Variants in CNTN4 observed in about 807,000 individuals in gnomAD.
CNTN4 encodes the protein contactin-4.
Under a neutral mutation model 122.5 loss-of-function variants are expected in CNTN4, and 77 were observed. That is an observed-to-expected ratio of 0.63 (90% CI 0.52 to 0.76). The LOEUF (loss-of-function observed/expected upper bound fraction) is 0.76, where lower values mean the gene tolerates loss of function less well. Ranked by LOEUF, CNTN4 falls within the 30% of genes least tolerant of loss-of-function variation. The pLI is 0.00. For synonymous variants in CNTN4, 512 were observed against 447.0 expected (o/e 1.15, Z -1.83); for missense variants, 1,256 against 1,259.1 (o/e 1.00, Z 0.04).
At chr3:2,805,354 C>T (rs181333827) in intron 6 of CNTN4, among the ~76,000 whole-genome samples, 188 of 152,164 alleles carry the variant, frequency 1.2e-3, no homozygotes, top group African/African-American at 4.3e-3. Flanking sequence ...GAAAACTGCA[C>T]TAGGAAAGTT....
At chr3:2,544,198 G>A (rs925512624) in intron 3 of CNTN4, among the ~76,000 whole-genome samples, 1 of 152,088 alleles carries the variant, frequency 6.6e-6, no homozygotes, top group African/African-American at 2.4e-5. Context: ...AGCGAGTGGT[G>A]CCTTTATCTT....
At chr3:2,619,314 A>C (rs561601496) in intron 4 of CNTN4, among the ~76,000 whole-genome samples, 2 of 152,238 alleles carry the variant, frequency 1.3e-5, no homozygotes, top group Non-Finnish European at 2.9e-5. Context: ...CTGGCCTATG[A>C]CTAAAACACC....
rs369241909 is a variant in CNTN4 at position 2,685,378 on chromosome 3, G to A, written c.56-50837G>A. ...ATGATCTTCAAATTCAAGAATACAC[G>A]TAAATCCCCAAGGAAACCAAAGGGA... On this transcript the variant is annotated intron_variant, in intron 4 of 24. Transcript: ENST00000418658. Among the ~76,000 whole-genome samples, 10 of 152,194 alleles carry A rather than the reference G, an allele frequency of 6.6e-5. No individual in the cohort carries two copies. The East Asian group carries it at 7.7e-4, about 12-fold the overall frequency.
chr3:2,437,778 C>A (rs1373062111), intron 3 of CNTN4, among the ~76,000 whole-genome samples: 1 of 152,278 alleles, frequency 6.6e-6, no homozygotes, highest in East Asian at 1.9e-4. Flanking sequence ...TCGCCAATAT[C>A]TTTGAAGATT....
intron 2 of CNTN4, chr3:2,110,476 T>G (rs1432146891): frequency 2.0e-5 from 3 of 152,222 alleles, no homozygotes; most frequent in Non-Finnish European, 4.4e-5. Flanking sequence ...CCTGTGACAC[T>G]GGGGGATGCA....
intron 3 of CNTN4, among the ~76,000 whole-genome samples, chr3:2,475,073 G>C (rs1011568321): frequency 6.6e-6 from 1 of 152,152 alleles, no homozygotes; most frequent in Non-Finnish European, 1.5e-5. Flanking sequence ...AAAAATATGT[G>C]AGTTTATTGA....
chr3:2,110,892 A>G (rs2032899076), intron 2 of CNTN4, among the ~76,000 whole-genome samples: 1 of 152,134 alleles, frequency 6.6e-6, no homozygotes, highest in Non-Finnish European at 1.5e-5. Flanking sequence ...TAATATTGTG[A>G]CATGTATTTG....
At chr3:2,872,791 T>A (rs2093801468) in intron 8 of CNTN4, among the ~76,000 whole-genome samples, 1 of 152,168 alleles carries the variant, frequency 6.6e-6, no homozygotes, top group African/African-American at 2.4e-5. Context: ...CCAGATATAT[T>A]GTCTTTGGGG....
chr3:2,564,938 C>T (rs1326396284), intron 3 of CNTN4, among the ~76,000 whole-genome samples: 1 of 152,072 alleles, frequency 6.6e-6, no homozygotes, highest in Non-Finnish European at 1.5e-5. Flanking sequence ...CATTAGCTAC[C>T]TGGCTTTTAT....
chr3:2,272,011 A>G (rs1168843998), intron 2 of CNTN4, among the ~76,000 whole-genome samples: 3 of 152,178 alleles, frequency 2.0e-5, no homozygotes, highest in Non-Finnish European at 4.4e-5. Context: ...ACAGGTTAGC[A>G]GGTTGTAAAA....
intron 2 of CNTN4, among the ~76,000 whole-genome samples, chr3:2,282,466 C>T (rs2041753416): frequency 6.6e-6 from 1 of 152,048 alleles, no homozygotes; most frequent in Admixed American, 6.6e-5. Context: ...GTTTTATTCT[C>T]CTGTGTTGTT....
At chr3:3,046,768 A>G (rs1323786302) in intron 23 of CNTN4, among the ~76,000 whole-genome samples, 2 of 151,762 alleles carry the variant, frequency 1.3e-5, no homozygotes, top group Non-Finnish European at 2.9e-5. Flanking sequence ...GATCAAATTC[A>G]CACATAACAA....
rs142410670 is a variant in CNTN4, at chr3:2,630,677, A to G, written c.55+59119A>G. Among the ~76,000 whole-genome samples the G allele has an allele frequency of 1.7e-4, 25 of 150,858 alleles. 1 individual carries two copies. Among genetic ancestry groups the G allele is most frequent in the Admixed American group, 9.3e-4 (14 of 15,044 alleles). On this transcript the variant is annotated intron_variant, in intron 4 of 24. Coordinates refer to ENST00000418658, the MANE Select transcript of CNTN4 (RefSeq NM_175607.3). ...AAAATTTGAGAGGAATTAGTATGGT[A>G]TATCCCTATCTGTTTATTAAGGGAG... is the stretch of plus-strand genomic sequence containing the variant.
At chr3:2,243,658 G>A (rs941731874) in intron 2 of CNTN4, among the ~76,000 whole-genome samples, 3 of 152,038 alleles carry the variant, frequency 2.0e-5, no homozygotes, top group Admixed American at 1.3e-4. Flanking sequence ...TAAACAAAAT[G>A]GAGTGGATGA....
At chr3:2,575,977 G>GGT (rs1446587714) in intron 4 of CNTN4, among the ~76,000 whole-genome samples, 2 of 151,804 alleles carry the variant, frequency 1.3e-5, no homozygotes, top group African/African-American at 2.4e-5. Context: ...TGGGACTACA[G>GGT]GCACATGCCA....
At chr3:2,969,618 C>T (rs544478465) in intron 13 of CNTN4, among the ~76,000 whole-genome samples, 13 of 152,196 alleles carry the variant, frequency 8.5e-5, no homozygotes, top group South Asian at 2.1e-4. Context: ...ATCAGAGTGA[C>T]GTTGCTTCTT....
At chr3:2,607,080 G>A (rs2081289353) in intron 4 of CNTN4, among the ~76,000 whole-genome samples, 1 of 152,170 alleles carries the variant, frequency 6.6e-6, no homozygotes, top group Admixed American at 6.5e-5. Context: ...TACTTCTCTT[G>A]TTGAGTATTT....
At chr3:2,489,230 A>T (rs1417330184) in intron 3 of CNTN4, among the ~76,000 whole-genome samples, 1 of 152,190 alleles carries the variant, frequency 6.6e-6, no homozygotes, top group Admixed American at 6.5e-5. Flanking sequence ...AACAAAAGAC[A>T]TTAGATTTTT....
At chr3:2,397,620 G>A (rs183096897) in intron 3 of CNTN4, among the ~76,000 whole-genome samples, 1 of 152,184 alleles carries the variant, frequency 6.6e-6, no homozygotes, top group Admixed American at 6.5e-5. Context: ...CAGCATTGCA[G>A]TATAAAGAAG....
Sources: allele counts gnomAD v4.1 joint callset (sites outside exome capture counted in the v4.1 genomes callset), GRCh38; gene constraint gnomAD v4.1.1; transcripts MANE v1.5; gene names NCBI Gene and HGNC (gene_info 2026-07-23, HGNC 2026-07-21).